The following TAFA2 variants were observed in gnomAD, a reference collection of about 807,000 sequenced individuals.
TAFA2 encodes the protein TAFA chemokine like family member 2, also known as chemokine-like protein TAFA-2.
Under a neutral mutation model 18.8 loss-of-function variants are expected in TAFA2, and 7 were observed. The ratio of observed to expected loss-of-function variants is 0.37; its 90% confidence interval spans 0.21 to 0.70. The LOEUF (loss-of-function observed/expected upper bound fraction) is 0.70, where lower values mean the gene tolerates loss of function less well. Ranked by LOEUF, TAFA2 falls within the 30% of genes least tolerant of loss-of-function variation. TAFA2 has a pLI of 0.53. For missense variants in TAFA2, 122 were observed against 158.1 expected (o/e 0.77, Z 1.23); for synonymous variants, 60 against 54.2 (o/e 1.11, Z -0.47).
At chr12:61,991,972 T>C (rs1880026428) in intron 1 of TAFA2, among the ~76,000 whole-genome samples, 1 of 152,222 alleles carries the variant, frequency 6.6e-6, no homozygotes, top group Admixed American at 6.5e-5. Flanking sequence ...CGTATCACTT[T>C]CAGTCTTCTT....
At chr12:62,099,199 TAAG>T in intron 1 of TAFA2, among the ~76,000 whole-genome samples, 1 of 152,006 alleles carries the variant, frequency 6.6e-6, no homozygotes, top group African/African-American at 2.4e-5. Flanking sequence ...ATCAATAGTG[TAAG>T]TCTATAGAAC....
intron 1 of TAFA2, among the ~76,000 whole-genome samples, chr12:62,216,828 T>C (rs772502935): frequency 2.0e-5 from 3 of 152,188 alleles, no homozygotes; most frequent in Non-Finnish European, 4.4e-5. Context: ...TGTCAAAACA[T>C]AGCATTGGTT....
Position 62,232,241 on chromosome 12 carries a change from A to G in TAFA2, c.-130+26522T>C, listed in dbSNP as rs541489974. On this transcript the variant is annotated intron_variant, in intron 1 of 5. Coordinates refer to the TAFA2 transcript ENST00000551619. ...AAATTCAGTTAACTGTCACTTTCCT[A>G]CTTCTCCTTACCTCCACTCTCACAC... Among the ~76,000 whole-genome samples, 32 of 151,948 alleles carry G rather than the reference A, an allele frequency of 2.1e-4. No homozygotes were observed. The South Asian group carries it at 6.4e-3, about 31-fold the overall frequency.
intron 1 of TAFA2, among the ~76,000 whole-genome samples, chr12:61,979,755 G>T (rs1185265158): frequency 6.6e-6 from 1 of 152,062 alleles, no homozygotes; most frequent in Non-Finnish European, 1.5e-5. Context: ...AAAAGTAGAA[G>T]CACGGCACCA....
chr12:61,952,115 C>T (rs931531209), intron 1 of TAFA2, among the ~76,000 whole-genome samples: 1 of 152,044 alleles, frequency 6.6e-6, no homozygotes, highest in African/African-American at 2.4e-5. Context: ...TGTGTGCACA[C>T]ATATATAGTC....
intron 3 of TAFA2, among the ~76,000 whole-genome samples, chr12:61,754,329 A>G (rs1388206031): frequency 6.6e-6 from 1 of 151,990 alleles, no homozygotes; most frequent in Non-Finnish European, 1.5e-5. Context: ...TGGTAACATC[A>G]ACTAAATAAA....
intron 2 of TAFA2, chr12:61,775,802 T>C (rs148123341): frequency 8.5e-4 from 137 of 161,224 alleles, no homozygotes; most frequent in Middle Eastern, 3.0e-3. Flanking sequence ...GATGTGTGAA[T>C]GTAGAGGTAA....
At chr12:61,988,147 AC>A (rs1349229886) in intron 1 of TAFA2, among the ~76,000 whole-genome samples, 4 of 152,098 alleles carry the variant, frequency 2.6e-5, no homozygotes, top group Non-Finnish European at 4.4e-5. Flanking sequence ...TTAGCACCCT[AC>A]TTCACGGGTG....
chr12:62,234,869 C>T, intron 1 of TAFA2: 1 of 1,037,176 alleles, frequency 9.6e-7, no homozygotes, highest in Non-Finnish European at 1.5e-6. Context: ...GACTGGGACT[C>T]AGCTCGGGGC....
At chr12:62,235,420 T>C in intron 1 of TAFA2, 1 of 654,838 alleles carries the variant, frequency 1.5e-6, no homozygotes, top group Non-Finnish European at 2.8e-6. Context: ...AGATGGGTGC[T>C]GAGTTCTACT....
At position 62,103,848 on chromosome 12, in the gene TAFA2, A is replaced by G. The variant is rs145114293; in HGVS notation, c.-2+87411T>C. Reference sequence around the variant, plus strand: ...GAAATGATACAAATGATAAATGAACAATGTCTAATTATTCAGGCATTGCTC... The same window carrying G: ...GAAATGATACAAATGATAAATGAACGATGTCTAATTATTCAGGCATTGCTC... On this transcript the variant is annotated intron_variant, in intron 1 of 4. Transcript: ENST00000416284. Among the ~76,000 whole-genome samples, 18 of 152,322 alleles carry G rather than the reference A, an allele frequency of 1.2e-4. 1 individual carries two copies. In the East Asian group the frequency reaches 3.3e-3, roughly 28 times the overall value.
At chr12:61,976,175 A>G (rs922352017) in intron 1 of TAFA2, among the ~76,000 whole-genome samples, 1 of 151,888 alleles carries the variant, frequency 6.6e-6, no homozygotes, top group African/African-American at 2.4e-5. Flanking sequence ...TAATAGATGA[A>G]AAATCAAACA....
At chr12:62,187,029 C>T (rs182954772) in intron 1 of TAFA2, among the ~76,000 whole-genome samples, 1 of 152,208 alleles carries the variant, frequency 6.6e-6, no homozygotes, top group Admixed American at 6.5e-5. Context: ...CAATATATTT[C>T]TGGCAATTTT....
intron 3 of TAFA2, 88 bp downstream of exon 3, chr12:61,754,784 G>T: frequency 1.5e-6 from 2 of 1,314,364 alleles, no homozygotes; most frequent in South Asian, 1.5e-5. Flanking sequence ...ACCCAGGATT[G>T]ACCTCCCATT....
chr12:62,226,057 A>G (rs2062784973), intron 1 of TAFA2, among the ~76,000 whole-genome samples: 1 of 152,194 alleles, frequency 6.6e-6, no homozygotes, highest in South Asian at 2.1e-4. Flanking sequence ...CATTGCCTTC[A>G]AGAAGTTTTG....
chr12:62,058,404 G>A (rs939928887), intron 1 of TAFA2, among the ~76,000 whole-genome samples: 60 of 152,034 alleles, frequency 3.9e-4, no homozygotes, highest in African/African-American at 1.2e-3. Context: ...GACTTTTCAC[G>A]TATTGTTTTA....
At chr12:62,233,336 C>G (rs908464353) in intron 1 of TAFA2, among the ~76,000 whole-genome samples, 2 of 151,990 alleles carry the variant, frequency 1.3e-5, no homozygotes, top group Non-Finnish European at 2.9e-5. Context: ...CCACCTCAGC[C>G]TCCCAAAGTG....
chr12:61,979,828 A>T (rs1241188923), intron 1 of TAFA2, among the ~76,000 whole-genome samples: 5 of 152,048 alleles, frequency 3.3e-5, no homozygotes, highest in Non-Finnish European at 7.4e-5. Flanking sequence ...ACAGTTAATG[A>T]AAGATGCAGA....
Position 62,246,709 on chromosome 12 carries a change from G to C in TAFA2, c.-130+12054C>G, listed in dbSNP as rs371574718. ...TAATAAGCTGTTCTTTTTACCATTA[G>C]TGACTTTTTTTCTAATAAGTCTTTT... On this transcript the variant is annotated intron_variant, in intron 1 of 5. Coordinates refer to the TAFA2 transcript ENST00000551619. Among the ~76,000 whole-genome samples, 52 of 152,232 alleles carry C rather than the reference G, an allele frequency of 3.4e-4. No homozygotes were observed. The East Asian group carries it at 9.1e-3, about 27-fold the overall frequency.
Sources: gnomAD v4.1 joint callset for allele counts (sites outside exome capture counted in the v4.1 genomes callset) on GRCh38, gnomAD v4.1.1 for gene constraint, MANE v1.5 for transcripts, NCBI Gene and HGNC (gene_info 2026-07-23, HGNC 2026-07-21) for gene names.